ZBED3: variants seen among roughly 807,000 people sequenced by gnomAD.
The protein encoded by ZBED3 is zinc finger BED-type containing 3.
For synonymous variants in ZBED3, 175 were observed against 180.0 expected (o/e 0.97, Z 0.22); for missense variants, 388 against 362.9 (o/e 1.07, Z -0.56).
chr5:77,086,982 C>G (rs1743258249), intron 1 of ZBED3, 129 bp downstream of exon 1: 1 of 152,216 alleles, frequency 6.6e-6, no homozygotes, highest in Non-Finnish European at 1.5e-5. Context: ...AGAAGGGCAG[C>G]CCAGCGAAGG....
Position 77,075,964 on chromosome 5 carries a change from T to C in ZBED3, c.*1210A>G, listed in dbSNP as rs1307978943. On this transcript the variant is annotated 3_prime_UTR_variant, in exon 3 of 3. Coordinates refer to ENST00000255198, the MANE Select transcript of ZBED3 (RefSeq NM_032367.4). ...ATATACATATATATATATATATATA[T>C]ATGTATATGTATATATGTATATATA... is the stretch of plus-strand genomic sequence containing the variant. 1.3e-3 allele frequency: 30 copies of C among 23,242 alleles called. 7 individuals carry two copies. Among genetic ancestry groups the C allele is most frequent in the Admixed American group, 5.0e-3 (9 of 1,792 alleles). 1.4% of individuals were successfully genotyped at this position (23,242 alleles called of 1,614,324 possible). A position where few individuals can be genotyped will look rare whatever the true frequency, so the allele number is the denominator to read the frequency against.
At chr5:77,086,801 TTAATAAA>T (rs1358623582) in intron 1 of ZBED3, 3 of 152,094 alleles carry the variant, frequency 2.0e-5, no homozygotes, top group African/African-American at 7.2e-5. Flanking sequence ...TCAGACAACT[TTAATAAA>T]GGGAGAGCAG....
chr5:77,075,935 T>TTTTATATATATATATATA lies in ZBED3; in HGVS notation c.*1238_*1239insTATATATATATATATAAA, dbSNP rs1554047999. 9.5e-5 allele frequency: 2 copies of TTTTATATATATATATATA among 21,164 alleles called. No homozygotes were observed. The highest frequency in any genetic ancestry group is 2.3e-4 in the Non-Finnish European group (2 of 8,842). 1.3% of individuals were successfully genotyped at this position (21,164 alleles called of 1,614,324 possible). A position where few individuals can be genotyped will look rare whatever the true frequency, so the allele number is the denominator to read the frequency against. On this transcript the variant is annotated 3_prime_UTR_variant, in exon 3 of 3. Coordinates refer to ENST00000255198, the MANE Select transcript of ZBED3 (RefSeq NM_032367.4). ...GACATGCACCCTAGAACTTAAAGTATTATATATACATATATATATATATAT... is the reference window on the plus strand; with the variant it reads ...GACATGCACCCTAGAACTTAAAGTATTTTATATATATATATATATATATATACATATATATATATATAT...
rs2150739795 is a variant in ZBED3, at chr5:77,076,114, A to T, written c.*1060T>A. 6.7e-6 allele frequency: 1 copy of T among 149,238 alleles called. No homozygotes were observed. Among genetic ancestry groups the T allele is most frequent in the Middle Eastern group, 3.4e-3 (1 of 290 alleles). The allele number at this position is 149,238 out of a possible 1,614,324, so 9.2% of individuals were successfully genotyped here. On this transcript the variant is annotated 3_prime_UTR_variant, in exon 3 of 3. Transcript: ENST00000255198. ...AACTGACCCAGAGTGAGGGAGTAAA[A>T]ACTGGGGAGGAAGGATAGGCAGCCA...
chr5:77,077,005 T>C lies in ZBED3; in HGVS notation c.*169A>G. The C allele has an allele frequency of 2.1e-6, 1 of 481,592 alleles. No individual in the cohort carries two copies. Among genetic ancestry groups the C allele is most frequent in the Non-Finnish European group, 3.3e-6 (1 of 302,674 alleles). The allele number at this position is 481,592 out of a possible 1,614,324, so 29.8% of individuals were successfully genotyped here. A position where few individuals can be genotyped will look rare whatever the true frequency, so the allele number is the denominator to read the frequency against. On this transcript the variant is annotated 3_prime_UTR_variant, in exon 3 of 3. Transcript: ENST00000255198. ...TGGTTCTGCTCTGGCTTCGAAGTGC[T>C]TCTCAAGCTGAAGCCTTAGGGTGTG...
Position 77,077,140 on chromosome 5 carries a change from A to T in ZBED3, c.*34T>A. 1 of 1,358,154 alleles carries T rather than the reference A, an allele frequency of 7.4e-7. No individual in the cohort carries two copies. The highest frequency in any genetic ancestry group is 1.7e-5 in the South Asian group (1 of 57,600). 84.1% of individuals were successfully genotyped at this position (1,358,154 alleles called of 1,614,324 possible). A position where few individuals can be genotyped will look rare whatever the true frequency, so the allele number is the denominator to read the frequency against. ...TGAAGGCATTGGCATTGGACGGAGA[A>T]GCGCTGTCCTGGGGTGGGGAAGTGG... On this transcript the variant is annotated 3_prime_UTR_variant, in exon 3 of 3. Coordinates refer to ENST00000255198, the MANE Select transcript of ZBED3 (RefSeq NM_032367.4).
intron 1 of ZBED3, among the ~76,000 whole-genome samples, chr5:77,081,004 C>T (rs905150708): frequency 6.6e-6 from 1 of 152,180 alleles, no homozygotes; most frequent in Non-Finnish European, 1.5e-5. Flanking sequence ...TCTTCAGACA[C>T]TTCAGCCACA....
intron 1 of ZBED3, among the ~76,000 whole-genome samples, chr5:77,084,387 G>C (rs986134800): frequency 2.6e-5 from 4 of 152,130 alleles, no homozygotes; most frequent in Non-Finnish European, 5.9e-5. Context: ...GAGATCTGAT[G>C]GTTTTATAAA....
chr5:77,079,154 G>C (rs909729007), intron 1 of ZBED3: 1 of 152,180 alleles, frequency 6.6e-6, no homozygotes. Flanking sequence ...GTTCACAAAG[G>C]ACCAAATGTG....
chr5:77,086,158 G>A (rs1308291275), intron 1 of ZBED3, among the ~76,000 whole-genome samples: 1 of 152,182 alleles, frequency 6.6e-6, no homozygotes, highest in East Asian at 1.9e-4. Flanking sequence ...AGATTAAGGT[G>A]GTGATCCATT....
Position 77,085,029 on chromosome 5 carries a change from C to T in ZBED3, c.-153+2082G>A, listed in dbSNP as rs111747286. Among the ~76,000 whole-genome samples, 1,125 of 152,284 alleles carry T rather than the reference C, an allele frequency of 7.4e-3. 11 individuals are homozygous for T. Among genetic ancestry groups the T allele is most frequent in the Middle Eastern group, 0.044 (13 of 294 alleles). ...GAGAGTAGTGTTGCTGGTACCATGC[C>T]TCTGCACTTGCTATAGCTGAGTTTC... is the stretch of plus-strand genomic sequence containing the variant. On this transcript the variant is annotated intron_variant, in intron 1 of 2. Transcript: ENST00000255198.
Position 77,077,199 on chromosome 5 carries a change from C to A in ZBED3, c.680G>T (p.Cys227Phe). 1 of 1,503,064 alleles carries A rather than the reference C, an allele frequency of 6.7e-7. No homozygotes were observed. Among genetic ancestry groups the A allele is most frequent in the Non-Finnish European group, 8.8e-7 (1 of 1,132,200 alleles). 93.1% of individuals were successfully genotyped at this position (1,503,064 alleles called of 1,614,324 possible). Residue 227 changes from cysteine (C) to phenylalanine (F), a missense_variant, in exon 3 of 3, where the codon TGC (cysteine) becomes TTC (phenylalanine). Transcript: ENST00000255198. Reference sequence around the variant, plus strand: ...CTACAGGAGGACCTTTGTGATGACGCAGCCGTCCCTGTCACCCTCGGGGTC... The same window carrying A: ...CTACAGGAGGACCTTTGTGATGACGAAGCCGTCCCTGTCACCCTCGGGGTC... ...KDDPEGDRDG[C>F]VITKVLL
In ZBED3 at chr5:77,077,632, G is replaced by C. The variant is rs1203942840; in HGVS notation, c.247C>G (p.His83Asp). ...CTCCACAACGCCGAGGTCCCCGCGTGGAAGCCCGGGCCGCGGCCCACCTGC... is the reference window on the plus strand; with the variant it reads ...CTCCACAACGCCGAGGTCCCCGCGTCGAAGCCCGGGCCGCGGCCCACCTGC... ...GEQVGRGPGFHAGTSALWRHL... is the reference protein window; with the variant it reads ...GEQVGRGPGFDAGTSALWRHL... The change falls in exon 3 of 3, where the codon CAC becomes GAC. Residue 83 changes from histidine to aspartate, a missense_variant. Transcript: ENST00000255198. 2.1e-6 allele frequency: 3 copies of C among 1,412,220 alleles called. No individual in the cohort carries two copies. The highest frequency in any genetic ancestry group is 6.2e-5 in the East Asian group (2 of 32,176). The allele number at this position is 1,412,220 out of a possible 1,614,324, so 87.5% of individuals were successfully genotyped here.
intron 1 of ZBED3, chr5:77,079,523 G>C (rs1403602695): frequency 6.6e-6 from 1 of 152,144 alleles, no homozygotes; most frequent in African/African-American, 2.4e-5. Context: ...TTCCCACCAA[G>C]CAAGTCCACT....
chr5:77,077,812 C>T lies in ZBED3; in HGVS notation c.67G>A (p.Gly23Ser), dbSNP rs1743055282. The stretch of plus-strand genomic sequence containing the variant: ...GGCCCCAGTCCCGGACACTGACCGC[C>T]CCGCGCCGCCGCGTCGTCCAGCCCG... ...ARGLDDAAAR[G>S]GQCPGLGPAP... is the part of the protein sequence containing the mutation. The change falls in exon 3 of 3, where the codon GGC (glycine) becomes AGC (serine). Residue 23 changes from glycine (G) to serine (S), a missense_variant. Physicochemically the swap from Gly to Ser is moderately conservative, Grantham distance 56. Coordinates refer to ENST00000255198, the MANE Select transcript of ZBED3 (RefSeq NM_032367.4). 2 of 1,297,868 alleles carry T rather than the reference C, an allele frequency of 1.5e-6. No homozygotes were observed. The highest frequency in any genetic ancestry group is 1.5e-5 in the African/African-American group (1 of 64,656). The allele number at this position is 1,297,868 out of a possible 1,614,324, so 80.4% of individuals were successfully genotyped here. A position where few individuals can be genotyped will look rare whatever the true frequency, so the allele number is the denominator to read the frequency against.
rs1742990162 is a variant in ZBED3, at chr5:77,076,021, G to GTATATATATATGTATATATGTA, written c.*1131_*1152dup. ...TATATGTATATATATATGTATATAT[G>GTATATATATATGTATATATGTA]TATATATATATGTATATATGTATAT... is the stretch of plus-strand genomic sequence containing the variant. On this transcript the variant is annotated 3_prime_UTR_variant, in exon 3 of 3. Coordinates refer to ENST00000255198, the MANE Select transcript of ZBED3 (RefSeq NM_032367.4). 3 of 39,442 alleles carry GTATATATATATGTATATATGTA rather than the reference G, an allele frequency of 7.6e-5. 1 individual carries two copies. Among genetic ancestry groups the GTATATATATATGTATATATGTA allele is most frequent in the Non-Finnish European group, 1.7e-4 (3 of 17,764 alleles). 2.4% of individuals were successfully genotyped at this position (39,442 alleles called of 1,614,324 possible). A position where few individuals can be genotyped will look rare whatever the true frequency, so the allele number is the denominator to read the frequency against.
At position 77,076,429 on chromosome 5, in the gene ZBED3, C is replaced by G. The variant is rs1055158594; in HGVS notation, c.*745G>C. 3.3e-5 allele frequency: 5 copies of G among 152,128 alleles called. No homozygotes were observed. The highest frequency in any genetic ancestry group is 7.3e-5 in the Non-Finnish European group (5 of 68,072). 9.4% of individuals were successfully genotyped at this position (152,128 alleles called of 1,614,324 possible). Reference sequence around the variant, plus strand: ...GACAAGGGGATGAGGTGATGTCTTGCTAAGGTGGCAGATGTGAGGCCTGAA... The same window carrying G: ...GACAAGGGGATGAGGTGATGTCTTGGTAAGGTGGCAGATGTGAGGCCTGAA... On this transcript the variant is annotated 3_prime_UTR_variant, in exon 3 of 3. Coordinates refer to ENST00000255198, the MANE Select transcript of ZBED3 (RefSeq NM_032367.4).
Position 77,077,696 on chromosome 5 carries a change from A to C in ZBED3, c.183T>G (p.His61Gln), listed in dbSNP as rs1214334889. 4 of 1,350,198 alleles carry C rather than the reference A, an allele frequency of 3.0e-6. No homozygotes were observed. Among genetic ancestry groups the C allele is most frequent in the Non-Finnish European group, 3.8e-6 (4 of 1,055,702 alleles). The allele number at this position is 1,350,198 out of a possible 1,614,324, so 83.6% of individuals were successfully genotyped here. Residue 61 changes from histidine (H) to glutamine (Q), a missense_variant, in exon 3 of 3, where the codon CAT (histidine) becomes CAG (glutamine). Physicochemically the swap from His to Gln is conservative, Grantham distance 24. Transcript: ENST00000255198. ...GGCAGGTGGCCCAGTGGCCCGACGG[A>C]TGCCCGGGGCGCCCCGGCGCCAGGT... ...YFHLAPGRPG[H>Q]PSGHWATCRL... is the part of the protein sequence containing the mutation.
At position 77,073,901 on chromosome 5, in the gene ZBED3, C is replaced by T. The variant is rs1243853206; in HGVS notation, c.*3273G>A. The stretch of plus-strand genomic sequence containing the variant: ...GGTGAGATAAAAACCCACAGCCATA[C>T]ACTAGCTGGCCTGTCCTGAGGGTTG... On this transcript the variant is annotated 3_prime_UTR_variant, in exon 3 of 3. Coordinates refer to ENST00000255198, the MANE Select transcript of ZBED3 (RefSeq NM_032367.4). 6.6e-6 allele frequency: 1 copy of T among 152,196 alleles called. No individual in the cohort carries two copies. Among genetic ancestry groups the T allele is most frequent in the Non-Finnish European group, 1.5e-5 (1 of 68,046 alleles). 9.4% of individuals were successfully genotyped at this position (152,196 alleles called of 1,614,324 possible).
Sources: allele counts gnomAD v4.1 joint callset (sites outside exome capture counted in the v4.1 genomes callset), GRCh38; gene constraint gnomAD v4.1.1; transcripts MANE v1.5; gene names NCBI Gene and HGNC (gene_info 2026-07-23, HGNC 2026-07-21).